The following GTSF1 variants were observed in gnomAD, a reference collection of about 807,000 sequenced individuals.
The protein encoded by GTSF1 is gametocyte specific factor 1, also known as gametocyte-specific factor 1.
Under a neutral mutation model 28.9 loss-of-function variants are expected in GTSF1, and 11 were observed. The ratio of observed to expected loss-of-function variants is 0.38; its 90% confidence interval spans 0.24 to 0.63. GTSF1 has a LOEUF of 0.63. Among genes scored for constraint, GTSF1 ranks in the 30% least tolerant of loss-of-function variants. GTSF1 has a pLI of 0.56. For missense variants in GTSF1, 146 were observed against 201.0 expected (o/e 0.73, Z 1.66); for synonymous variants, 69 against 65.6 (o/e 1.05, Z -0.25).
intron 1 of GTSF1, among the ~76,000 whole-genome samples, chr12:54,473,244 G>T (rs1030207173): frequency 6.6e-6 from 1 of 151,896 alleles, no homozygotes; most frequent in African/African-American, 2.4e-5. Flanking sequence ...CTTAGTAAAA[G>T]AATCATTTTT....
In GTSF1 at chr12:54,459,166, T is replaced by A. The variant is rs182428760; in HGVS notation, c.488-41A>T. ...TTTCAAAATAAATACACCATGTCAA[T>A]TGAAATTCACTCCATCCCCTATTCT... On this transcript the variant is annotated intron_variant, in intron 7 of 8. Coordinates refer to ENST00000305879, the MANE Select transcript of GTSF1 (RefSeq NM_144594.3). The A allele has an allele frequency of 1.0e-5, 16 of 1,578,720 alleles. No individual in the cohort carries two copies. The African/African-American group carries it at 1.3e-4, about 13-fold the overall frequency.
chr12:54,462,263 C>A, intron 5 of GTSF1, 91 bp from the exon 6 acceptor site: 4 of 917,074 alleles, frequency 4.4e-6, no homozygotes, highest in Non-Finnish European at 7.1e-6. Flanking sequence ...GGAAATAATA[C>A]ACCTAAGTTT....
At chr12:54,461,274 A>AT (rs946614135) in intron 6 of GTSF1, among the ~76,000 whole-genome samples, 5 of 150,668 alleles carry the variant, frequency 3.3e-5, no homozygotes, top group Non-Finnish European at 7.4e-5. Flanking sequence ...TTTTTTTTTA[A>AT]TTTTTTTGTA....
chr12:54,463,901 A>T (rs1302443869), intron 3 of GTSF1, among the ~76,000 whole-genome samples: 1 of 152,230 alleles, frequency 6.6e-6, no homozygotes, highest in Non-Finnish European at 1.5e-5. Flanking sequence ...ACTAAGGAAA[A>T]ACCCAAATGA....
chr12:54,468,189 G>C (rs1367895685), intron 2 of GTSF1, among the ~76,000 whole-genome samples: 1 of 152,156 alleles, frequency 6.6e-6, no homozygotes, highest in Non-Finnish European at 1.5e-5. Flanking sequence ...CAGTGCAGTG[G>C]TGCGATCTTG....
At chr12:54,464,452 C>T (rs1956476959) in intron 3 of GTSF1, among the ~76,000 whole-genome samples, 1 of 152,146 alleles carries the variant, frequency 6.6e-6, no homozygotes, top group Non-Finnish European at 1.5e-5. Flanking sequence ...GTTTCCCAAG[C>T]ATAAATTCTA....
At position 54,471,478 on chromosome 12, in the gene GTSF1, T is replaced by G. The variant is rs901871426; in HGVS notation, c.-29-201A>C. On this transcript the variant is annotated intron_variant, in intron 1 of 8. Coordinates refer to ENST00000305879, the MANE Select transcript of GTSF1 (RefSeq NM_144594.3). ...TTTAACATCATGGCCTAATTCACAT[T>G]CTTGGAATAAATTCTAGGGCCTACC... 6.6e-5 allele frequency among the ~76,000 whole-genome samples: 10 copies of G among 152,132 alleles called. No homozygotes were observed. The South Asian group carries it at 2.1e-3, about 32-fold the overall frequency.
chr12:54,473,289 C>T (rs1451156178), intron 1 of GTSF1, among the ~76,000 whole-genome samples: 1 of 152,012 alleles, frequency 6.6e-6, no homozygotes. Flanking sequence ...AACAAAATCA[C>T]AGTAGACTTA....
chr12:54,461,086 T>C (rs1206977743), intron 6 of GTSF1, among the ~76,000 whole-genome samples: 5 of 152,054 alleles, frequency 3.3e-5, no homozygotes, highest in Admixed American at 6.6e-5. Context: ...TAATGAGAAA[T>C]AGCTTCATTC....
chr12:54,464,156 A>G (rs1956471962), intron 3 of GTSF1, among the ~76,000 whole-genome samples: 1 of 152,234 alleles, frequency 6.6e-6, no homozygotes, highest in South Asian at 2.1e-4. Flanking sequence ...CATTCAATAC[A>G]AAGGTTTTGT....
At chr12:54,467,986 C>G (rs1956544707) in intron 2 of GTSF1, among the ~76,000 whole-genome samples, 1 of 151,832 alleles carries the variant, frequency 6.6e-6, no homozygotes, top group African/African-American at 2.4e-5. Context: ...GTCTCAAACT[C>G]CCGACCTCAG....
chr12:54,464,219 C>T (rs1421330074), intron 3 of GTSF1, among the ~76,000 whole-genome samples: 5 of 152,094 alleles, frequency 3.3e-5, no homozygotes, highest in African/African-American at 1.2e-4. Flanking sequence ...GTCTTTTTTA[C>T]CACTTGACTC....
At chr12:54,472,906 C>T (rs998785460) in intron 1 of GTSF1, among the ~76,000 whole-genome samples, 4 of 152,120 alleles carry the variant, frequency 2.6e-5, no homozygotes, top group African/African-American at 9.7e-5. Context: ...CATACTTTTT[C>T]ATTAAAAATA....
chr12:54,456,893 T>G (rs144102465), intron 8 of GTSF1, among the ~76,000 whole-genome samples: 2,608 of 152,218 alleles, frequency 0.017, 34 homozygotes, highest in Middle Eastern at 0.031. Flanking sequence ...GAGACTGGCC[T>G]GGCCAACATG....
At chr12:54,463,982 A>C (rs1376625326) in intron 3 of GTSF1, among the ~76,000 whole-genome samples, 1 of 152,234 alleles carries the variant, frequency 6.6e-6, no homozygotes, top group African/African-American at 2.4e-5. Context: ...CCTATATCCT[A>C]TGGCAAATAT....
intron 6 of GTSF1, 40 bp downstream of exon 6, chr12:54,462,069 A>T (rs748102459): frequency 6.0e-6 from 9 of 1,502,634 alleles, no homozygotes; most frequent in Non-Finnish European, 8.3e-6. Context: ...GAACACGCTG[A>T]TTTTGGGAGA....
chr12:54,462,309 C>A, intron 5 of GTSF1, 137 bp from the exon 6 acceptor site: 4 of 606,340 alleles, frequency 6.6e-6, no homozygotes, highest in Non-Finnish European at 8.9e-6. Flanking sequence ...AGTGTCCTGC[C>A]TAAGTGACAC....
chr12:54,456,314 C>CTTTAA (rs1218022548), intron 8 of GTSF1, among the ~76,000 whole-genome samples, 161 bp from the exon 9 acceptor site: 1 of 152,192 alleles, frequency 6.6e-6, no homozygotes, highest in Non-Finnish European at 1.5e-5. Context: ...ACCTTCTGAT[C>CTTTAA]TTTAACTCTT....
intron 7 of GTSF1, chr12:54,459,533 T>C: frequency 1.0e-6 from 1 of 1,002,754 alleles, no homozygotes; most frequent in Non-Finnish European, 1.3e-6. Context: ...GGAAATTTCA[T>C]TATGACGGTA....
Sources: allele counts gnomAD v4.1 joint callset (sites outside exome capture counted in the v4.1 genomes callset), GRCh38; gene constraint gnomAD v4.1.1; transcripts MANE v1.5; gene names NCBI Gene and HGNC (gene_info 2026-07-23, HGNC 2026-07-21).